PCDHGB4: variants seen among roughly 807,000 people sequenced by gnomAD.
PCDHGB4 encodes the protein protocadherin gamma-B4.
In PCDHGB4, 38 loss-of-function variants were observed where a neutral mutation model predicts 60.5. The ratio of observed to expected loss-of-function variants is 0.63; its 90% CI spans 0.48 to 0.82. The LOEUF (loss-of-function observed/expected upper bound fraction) is 0.82. Ranked by LOEUF, PCDHGB4 falls within the 40% of genes least tolerant of loss-of-function variation. The pLI is 0.00. For missense variants in PCDHGB4, 1,109 were observed against 1,209.6 expected (o/e 0.92, Z 1.23); for synonymous variants, 456 against 509.7 (o/e 0.89, Z 1.42).
At chr5:141,403,708 T>C (rs1265644591) in intron 1 of PCDHGB4, 2 of 1,613,906 alleles carry the variant, frequency 1.2e-6, no homozygotes, top group South Asian at 1.1e-5. Flanking sequence ...TTAAAGTCCT[T>C]GAGAACGTGC....
rs759587995 is a variant in PCDHGB4, at chr5:141,491,802, G to T, written c.2398-3005G>T. On this transcript the variant is annotated intron_variant, in intron 1 of 3. Coordinates refer to ENST00000519479, the MANE Select transcript of PCDHGB4 (RefSeq NM_003736.4). The surrounding 1 kb of genome is among the most constrained non-coding windows in gnomAD (Gnocchi z 6.9). ...ACTTGCATCCACTCCTCTCCGGCCGGCTTGGTCGCTGGCTGCGCTCCACCC... is the reference window on the plus strand; with the variant it reads ...ACTTGCATCCACTCCTCTCCGGCCGTCTTGGTCGCTGGCTGCGCTCCACCC... 1 of 1,497,480 alleles carries T rather than the reference G, an allele frequency of 6.7e-7. No individual in the cohort carries two copies. Among genetic ancestry groups the T allele is most frequent in the East Asian group, 2.5e-5 (1 of 40,518 alleles). The allele number at this position is 1,497,480 out of a possible 1,614,324, so 92.8% of individuals were successfully genotyped here. A position where few individuals can be genotyped will look rare whatever the true frequency, so the allele number is the denominator to read the frequency against.
rs780541121 is a variant in PCDHGB4 at position 141,477,533 on chromosome 5, G to T, written c.2398-17274G>T. ...TTACATTGAAGAAAACAACCTCCCCGGGGCTCCAATACTAAACCTAAGTGT... is the reference window on the plus strand; with the variant it reads ...TTACATTGAAGAAAACAACCTCCCCTGGGCTCCAATACTAAACCTAAGTGT... On this transcript the variant is annotated intron_variant, in intron 1 of 3. Coordinates refer to ENST00000519479, the MANE Select transcript of PCDHGB4 (RefSeq NM_003736.4). This position sits in a 1 kb window ranked among gnomAD's most constrained non-coding sequence, Gnocchi z 4.9. 6.2e-7 allele frequency: 1 copy of T among 1,614,010 alleles called. No homozygotes were observed. The highest frequency in any genetic ancestry group is 1.1e-5 in the South Asian group (1 of 91,066).
chr5:141,400,783 T>G (rs2094075214), intron 1 of PCDHGB4: 1 of 566,968 alleles, frequency 1.8e-6, no homozygotes, highest in African/African-American at 1.9e-5. Flanking sequence ...TGCGTTTTTT[T>G]GTCCTCTTTC....
chr5:141,408,506 T>C, intron 1 of PCDHGB4: 2 of 1,614,010 alleles, frequency 1.2e-6, no homozygotes, highest in Non-Finnish European at 1.7e-6. Flanking sequence ...GAGAAGAAGA[T>C]GTGAGTTGCA....
chr5:141,467,008 A>T (rs1319152720), intron 1 of PCDHGB4, among the ~76,000 whole-genome samples: 1 of 150,270 alleles, frequency 6.7e-6, no homozygotes, highest in African/African-American at 2.4e-5. Context: ...TTGCAATGCA[A>T]TTTTTTTCCC....
At chr5:141,419,052 C>A (rs1017300472) in intron 1 of PCDHGB4, 6 of 1,613,948 alleles carry the variant, frequency 3.7e-6, no homozygotes, top group East Asian at 2.2e-5. Context: ...CATTCTTCTT[C>A]TAATAATTAC....
At chr5:141,461,013 C>G (rs981329088) in intron 1 of PCDHGB4, among the ~76,000 whole-genome samples, 2 of 148,522 alleles carry the variant, frequency 1.3e-5, no homozygotes, top group Non-Finnish European at 3.0e-5. Flanking sequence ...ATATATATAC[C>G]ACATTTTCTT....
chr5:141,393,731 T>C (rs1268576228), intron 1 of PCDHGB4: 1 of 1,613,754 alleles, frequency 6.2e-7, no homozygotes, highest in Non-Finnish European at 8.5e-7. Context: ...TAGCAAAAAG[T>C]CTAGATTATG....
chr5:141,487,656 C>G lies in PCDHGB4; in HGVS notation c.2398-7151C>G. ...GCTCAACAAATGCTTGAGGGTTATT[C>G]TGATCCAGGCATATGGCTAGGCCAT... On this transcript the variant is annotated intron_variant, in intron 1 of 3. Coordinates refer to ENST00000519479, the MANE Select transcript of PCDHGB4 (RefSeq NM_003736.4). The surrounding 1 kb of genome is among the most constrained non-coding windows in gnomAD (Gnocchi z 5.0). 6.2e-7 allele frequency: 1 copy of G among 1,613,658 alleles called. No individual in the cohort carries two copies. Among genetic ancestry groups the G allele is most frequent in the Non-Finnish European group, 8.5e-7 (1 of 1,179,794 alleles).
Position 141,485,955 on chromosome 5 carries a change from T to C in PCDHGB4, c.2398-8852T>C. 1 of 1,614,152 alleles carries C rather than the reference T, an allele frequency of 6.2e-7. No homozygotes were observed. Among genetic ancestry groups the C allele is most frequent in the Non-Finnish European group, 8.5e-7 (1 of 1,180,018 alleles). On this transcript the variant is annotated intron_variant, in intron 1 of 3. Transcript: ENST00000519479. This position sits in a 1 kb window ranked among gnomAD's most constrained non-coding sequence, Gnocchi z 5.7. ...GAGAGCGCACCAGCGGGCATGGTGC[T>C]CATCCAGCTCAATGCCTCAGACCCG...
intron 1 of PCDHGB4, chr5:141,427,083 C>T: frequency 2.2e-6 from 1 of 458,128 alleles, no homozygotes; most frequent in South Asian, 1.5e-5. Flanking sequence ...AGCCACTGAC[C>T]AGGATGAGGG....
intron 1 of PCDHGB4, chr5:141,409,124 G>T: frequency 6.2e-7 from 1 of 1,613,940 alleles, no homozygotes. Context: ...CCAGTCATTT[G>T]ATTTTGAAGA....
chr5:141,389,649 G>A lies in PCDHGB4; in HGVS notation c.1765G>A (p.Val589Ile). 1.2e-6 allele frequency: 2 copies of A among 1,612,716 alleles called. No homozygotes were observed. The highest frequency in any genetic ancestry group is 1.7e-6 in the Non-Finnish European group (2 of 1,179,834). ...AAEPGYLVTK[V>I]VAVDADSGHN... The stretch of plus-strand genomic sequence containing the variant: ...AGAGCCTGGCTACTTGGTGACCAAG[G>A]TAGTGGCGGTGGACGCAGACTCAGG... Residue 589 changes from valine (V) to isoleucine (I), a missense_variant, in exon 1 of 4, where the codon GTA (valine) becomes ATA (isoleucine). Physicochemically the swap from Val to Ile is conservative, Grantham distance 29. Transcript: ENST00000519479.
intron 1 of PCDHGB4, chr5:141,409,386 A>C (rs369240403): frequency 1.2e-6 from 2 of 1,613,914 alleles, no homozygotes; most frequent in African/African-American, 2.7e-5. Flanking sequence ...TTCAAGATTT[A>C]TTCTTCTTCC....
chr5:141,425,576 G>A (rs2096883993), intron 1 of PCDHGB4, among the ~76,000 whole-genome samples: 1 of 152,166 alleles, frequency 6.6e-6, no homozygotes, highest in Non-Finnish European at 1.5e-5. Flanking sequence ...GAAGGGTTTG[G>A]CTAACTTTAT....
At position 141,490,108 on chromosome 5, in the gene PCDHGB4, C is replaced by T. The variant is rs566655929; in HGVS notation, c.2398-4699C>T. 1.4e-5 allele frequency: 22 copies of T among 1,614,244 alleles called. No individual in the cohort carries two copies. Among genetic ancestry groups the T allele is most frequent in the South Asian group, 5.5e-5 (5 of 91,090 alleles). The stretch of plus-strand genomic sequence containing the variant: ...TGGAGACCACACATCTGAGGCAGTG[C>T]GGAACCTCTTTGGCCTAGACCCTAG... On this transcript the variant is annotated intron_variant, in intron 1 of 3. Coordinates refer to ENST00000519479, the MANE Select transcript of PCDHGB4 (RefSeq NM_003736.4). This position sits in a 1 kb window ranked among gnomAD's most constrained non-coding sequence, Gnocchi z 5.4.
In PCDHGB4 at chr5:141,432,929, C is replaced by T. The variant is rs759937939; in HGVS notation, c.2397+42648C>T. On this transcript the variant is annotated intron_variant, in intron 1 of 3. Coordinates refer to ENST00000519479, the MANE Select transcript of PCDHGB4 (RefSeq NM_003736.4). This position sits in a 1 kb window ranked among gnomAD's most constrained non-coding sequence, Gnocchi z 6.0. ...GCTGCGGCGCTGGCACAAGTCACGCCTGCTGCAGGCTTCAGGAGGCGGCTT... is the reference window on the plus strand; with the variant it reads ...GCTGCGGCGCTGGCACAAGTCACGCTTGCTGCAGGCTTCAGGAGGCGGCTT... The T allele has an allele frequency of 6.2e-7, 1 of 1,614,078 alleles. No individual in the cohort carries two copies. Among genetic ancestry groups the T allele is most frequent in the African/African-American group, 1.3e-5 (1 of 74,948 alleles).
intron 1 of PCDHGB4, chr5:141,400,635 TG>T: frequency 7.3e-7 from 1 of 1,373,110 alleles, no homozygotes; most frequent in Non-Finnish European, 1.0e-6. Flanking sequence ...AAGTCAGAGC[TG>T]CTCAGAAAGC....
intron 1 of PCDHGB4, among the ~76,000 whole-genome samples, chr5:141,433,497 C>G (rs2097615154): frequency 6.6e-6 from 1 of 152,076 alleles, no homozygotes; most frequent in Non-Finnish European, 1.5e-5. Flanking sequence ...CCCTCCCAAA[C>G]TGCTGGGATT....
Sources: gnomAD v4.1 joint callset for allele counts (sites outside exome capture counted in the v4.1 genomes callset) on GRCh38, gnomAD v4.1.1 for gene constraint, Gnocchi (gnomAD v3.1) non-coding constraint, MANE v1.5 for transcripts, NCBI Gene and HGNC (gene_info 2026-07-23, HGNC 2026-07-21) for gene names.